TREML2: variants seen among roughly 807,000 people sequenced by gnomAD.
TREML2 encodes triggering receptor expressed on myeloid cells like 2, also known as trem-like transcript 2 protein.
Under a neutral mutation model 25.9 loss-of-function variants are expected in TREML2, and 24 were observed. The observed-to-expected ratio is 0.93, with a 90% CI of 0.67 to 1.30. The LOEUF is 1.30. Among genes scored for constraint, TREML2 ranks in the 50% most tolerant of loss-of-function variants. The pLI, the probability that TREML2 is intolerant of heterozygous loss-of-function variation, is 0.00. For synonymous variants in TREML2, 139 were observed against 155.2 expected, an observed-to-expected ratio of 0.90 and a Z score of 0.77; for missense variants, 359 against 395.6, an observed-to-expected ratio of 0.91 and a Z score of 0.78.
At chr6:41,192,970 G>T in intron 3 of TREML2, 69 bp from the exon 4 acceptor site, 1 of 1,319,274 alleles carries the variant, frequency 7.6e-7, no homozygotes, top group Non-Finnish European at 1.0e-6. Context: ...CGTTGGGATC[G>T]GACCAGCAGC....
rs1766022810 is a variant in TREML2, at chr6:41,190,045, T to C, written c.*2382A>G. Among the ~76,000 whole-genome samples the C allele has an allele frequency of 6.6e-6, 1 of 152,170 alleles. No homozygotes were observed. The highest frequency in any genetic ancestry group is 2.1e-4 in the South Asian group (1 of 4,828). On this transcript the variant is annotated 3_prime_UTR_variant, in exon 5 of 5. Coordinates refer to ENST00000483722, the MANE Select transcript of TREML2 (RefSeq NM_024807.4). Reference sequence around the variant, plus strand: ...GGCATGTTTGGGCAAGTCACCTGTGTAGTCTGTCTTATCTATGAGGCTGTG... The same window carrying C: ...GGCATGTTTGGGCAAGTCACCTGTGCAGTCTGTCTTATCTATGAGGCTGTG...
At chr6:41,194,288 C>T in intron 3 of TREML2, 137 bp downstream of exon 3, 1 of 735,118 alleles carries the variant, frequency 1.4e-6, no homozygotes, top group Non-Finnish European at 2.0e-6. Flanking sequence ...CACTTCCAGT[C>T]CCCCACCTCA....
rs944709001 is a variant in TREML2 at position 41,198,578 on chromosome 6, A to G, written c.56-149T>C. On this transcript the variant is annotated intron_variant, in intron 1 of 4. Coordinates refer to ENST00000483722, the MANE Select transcript of TREML2 (RefSeq NM_024807.4). The stretch of plus-strand genomic sequence containing the variant: ...GAGGGGGAAATACAGCCCCGCCTTC[A>G]GGGAGCTTGCCCCAATCTGAAGGGA... 14 of 871,972 alleles carry G rather than the reference A, an allele frequency of 1.6e-5. No homozygotes were observed. In the African/African-American group the frequency reaches 2.3e-4, roughly 15 times the overall value. The allele number at this position is 871,972 out of a possible 1,614,324, so 54.0% of individuals were successfully genotyped here. A position where few individuals can be genotyped will look rare whatever the true frequency, so the allele number is the denominator to read the frequency against.
chr6:41,194,228 CCCTGCCCCTCCTCTCT>C (rs1221354244), intron 3 of TREML2, among the ~76,000 whole-genome samples, 181 bp downstream of exon 3: 7 of 116,088 alleles, frequency 6.0e-5, no homozygotes, highest in Non-Finnish European at 1.1e-4. Context: ...CCCTCCTTTC[CCCTGCCCCTCCTCTCT>C]CCTGCCCCTC....
At position 41,192,785 on chromosome 6, in the gene TREML2, G is replaced by T; in HGVS notation, c.886+16C>A. The stretch of plus-strand genomic sequence containing the variant: ...GAGCTCTGCCCTCAGGAGGCTGGGA[G>T]GTGGGCTCTACTCACTTGCCATGTG... On this transcript the variant is annotated intron_variant, in intron 4 of 4. Transcript: ENST00000483722. 1.2e-6 allele frequency: 2 copies of T among 1,605,998 alleles called. No individual in the cohort carries two copies. The highest frequency in any genetic ancestry group is 1.7e-6 in the Non-Finnish European group (2 of 1,174,208).
Position 41,199,142 on chromosome 6 carries a change from G to A in TREML2, c.56-713C>T, listed in dbSNP as rs558007128. Among the ~76,000 whole-genome samples, 227 of 152,290 alleles carry A rather than the reference G, an allele frequency of 1.5e-3. 1 individual carries two copies. The highest frequency in any genetic ancestry group is 6.8e-3 in the Middle Eastern group (2 of 294). On this transcript the variant is annotated intron_variant, in intron 1 of 4. Transcript: ENST00000483722. ...CTCCCAAAGTGCTGGGATTGCAGGC[G>A]TGAGCCACTGTGCCCGGCATCCCAG...
chr6:41,196,127 T>G (rs754986669), intron 2 of TREML2, among the ~76,000 whole-genome samples: 1 of 152,174 alleles, frequency 6.6e-6, no homozygotes, highest in Non-Finnish European at 1.5e-5. Flanking sequence ...CAAATTGTCC[T>G]TAAGAGGTGG....
At position 41,192,144 on chromosome 6, in the gene TREML2, G is replaced by A. The variant is rs1766075716; in HGVS notation, c.*283C>T. The stretch of plus-strand genomic sequence containing the variant: ...TTCCCCTGCCTCCACCAAGAGCCCT[G>A]GGGTCTGCAGCTCCGAGCAGAAACC... On this transcript the variant is annotated 3_prime_UTR_variant, in exon 5 of 5. Transcript: ENST00000483722. 9.0e-6 allele frequency: 4 copies of A among 442,286 alleles called. No homozygotes were observed. Among genetic ancestry groups the A allele is most frequent in the Non-Finnish European group, 1.7e-5 (4 of 238,462 alleles). The allele number at this position is 442,286 out of a possible 1,614,324, so 27.4% of individuals were successfully genotyped here. A position where few individuals can be genotyped will look rare whatever the true frequency, so the allele number is the denominator to read the frequency against.
At position 41,189,851 on chromosome 6, in the gene TREML2, T is replaced by C. The variant is rs949158782; in HGVS notation, c.*2576A>G. Among the ~76,000 whole-genome samples, 1 of 152,164 alleles carries C rather than the reference T, an allele frequency of 6.6e-6. No homozygotes were observed. Among genetic ancestry groups the C allele is most frequent in the South Asian group, 2.1e-4 (1 of 4,832 alleles). On this transcript the variant is annotated 3_prime_UTR_variant, in exon 5 of 5. Transcript: ENST00000483722. ...ATTTTTACAGTTGAATGTAAAGGCT[T>C]TTATAAGAAACCGATGAGGACTGGG...
chr6:41,190,563 G>A lies in TREML2; in HGVS notation c.*1864C>T, dbSNP rs1766034775. ...TAGGAATTATTGTCCTCTTTCACAA[G>A]ACAGGAAAAATGAGGCCAAGGGTTA... On this transcript the variant is annotated 3_prime_UTR_variant, in exon 5 of 5. Coordinates refer to ENST00000483722, the MANE Select transcript of TREML2 (RefSeq NM_024807.4). 6.6e-6 allele frequency: 1 copy of A among 152,186 alleles called. No individual in the cohort carries two copies. Among genetic ancestry groups the A allele is most frequent in the Non-Finnish European group, 1.5e-5 (1 of 68,048 alleles). The allele number at this position is 152,186 out of a possible 1,614,324, so 9.4% of individuals were successfully genotyped here. A position where few individuals can be genotyped will look rare whatever the true frequency, so the allele number is the denominator to read the frequency against.
rs1363867318 is a variant in TREML2, at chr6:41,191,185, G to T, written c.*1242C>A. 2 of 153,494 alleles carry T rather than the reference G, an allele frequency of 1.3e-5. No individual in the cohort carries two copies. Among genetic ancestry groups the T allele is most frequent in the Non-Finnish European group, 2.8e-5 (2 of 70,396 alleles). 9.5% of individuals were successfully genotyped at this position (153,494 alleles called of 1,614,324 possible). A position where few individuals can be genotyped will look rare whatever the true frequency, so the allele number is the denominator to read the frequency against. On this transcript the variant is annotated 3_prime_UTR_variant, in exon 5 of 5. Coordinates refer to ENST00000483722, the MANE Select transcript of TREML2 (RefSeq NM_024807.4). Reference sequence around the variant, plus strand: ...AGTAGACACCTGTGTGTGTGTGTGTGTGTGTGTGTGTGTGTGTGTGTGTGT... The same window carrying T: ...AGTAGACACCTGTGTGTGTGTGTGTTTGTGTGTGTGTGTGTGTGTGTGTGT...
intron 1 of TREML2, 102 bp from the exon 2 acceptor site, chr6:41,198,531 G>T: frequency 8.0e-7 from 1 of 1,256,968 alleles, no homozygotes; most frequent in Non-Finnish European, 1.1e-6. Context: ...ATATTGTCCT[G>T]CTGTCACAGA....
At chr6:41,196,157 C>A (rs1766157195) in intron 2 of TREML2, among the ~76,000 whole-genome samples, 1 of 152,182 alleles carries the variant, frequency 6.6e-6, no homozygotes, top group Admixed American at 6.5e-5. Flanking sequence ...TGTGACATAA[C>A]ATGATTAGAG....
chr6:41,198,691 A>AG (rs1348141857), intron 1 of TREML2, among the ~76,000 whole-genome samples: 1 of 152,176 alleles, frequency 6.6e-6, no homozygotes, highest in African/African-American at 2.4e-5. Context: ...CTGATGGAGG[A>AG]GGCAGGTATA....
At position 41,192,309 on chromosome 6, in the gene TREML2, T is replaced by C; in HGVS notation, c.*118A>G. ...CTGGGTTTGGGAAGTCCTGGGTGAG[T>C]CCAGCACTGCACAAGTCCTCCAGCT... is the stretch of plus-strand genomic sequence containing the variant. On this transcript the variant is annotated 3_prime_UTR_variant, in exon 5 of 5. Transcript: ENST00000483722. 1 of 820,862 alleles carries C rather than the reference T, an allele frequency of 1.2e-6. No homozygotes were observed. Among genetic ancestry groups the C allele is most frequent in the Non-Finnish European group, 2.0e-6 (1 of 496,614 alleles). The allele number at this position is 820,862 out of a possible 1,614,324, so 50.8% of individuals were successfully genotyped here. A position where few individuals can be genotyped will look rare whatever the true frequency, so the allele number is the denominator to read the frequency against.
At chr6:41,194,106 A>C (rs1369775842) in intron 3 of TREML2, among the ~76,000 whole-genome samples, 2 of 124,630 alleles carry the variant, frequency 1.6e-5, no homozygotes, top group Admixed American at 8.1e-5. Flanking sequence ...CTCCTCCCTG[A>C]TCCTCCTCCC....
intron 3 of TREML2, 103 bp from the exon 4 acceptor site, chr6:41,193,004 C>A: frequency 1.1e-6 from 1 of 938,012 alleles, no homozygotes; most frequent in Non-Finnish European, 1.6e-6. Context: ...GCGTGCCCTT[C>A]CCGGGGTAGA....
chr6:41,189,823 G>T lies in TREML2; in HGVS notation c.*2604C>A, dbSNP rs1766017006. ...TGGAGAGGAGGCCTGAAAGAGGGTT[G>T]CCATTTTTACAGTTGAATGTAAAGG... On this transcript the variant is annotated 3_prime_UTR_variant, in exon 5 of 5. Coordinates refer to ENST00000483722, the MANE Select transcript of TREML2 (RefSeq NM_024807.4). Among the ~76,000 whole-genome samples, 1 of 152,220 alleles carries T rather than the reference G, an allele frequency of 6.6e-6. No homozygotes were observed. The highest frequency in any genetic ancestry group is 1.5e-5 in the Non-Finnish European group (1 of 68,042).
intron 2 of TREML2, 75 bp from the exon 3 acceptor site, chr6:41,194,908 A>G: frequency 7.1e-6 from 10 of 1,415,684 alleles, no homozygotes; most frequent in Non-Finnish European, 9.5e-6. Context: ...GGCAACCCAC[A>G]CAGTTGCCTG....
Sources: gnomAD v4.1 joint callset for allele counts (sites outside exome capture counted in the v4.1 genomes callset) on GRCh38, gnomAD v4.1.1 for gene constraint, MANE v1.5 for transcripts, NCBI Gene and HGNC (gene_info 2026-07-23, HGNC 2026-07-21) for gene names.